UTRN: variants seen among roughly 807,000 people sequenced by gnomAD.
UTRN encodes the protein dystrophin-related protein 1.
UTRN carries 283 observed loss-of-function variants against 463.9 expected under a neutral mutation model. The ratio of observed to expected loss-of-function variants is 0.61; its 90% CI spans 0.55 to 0.67. The LOEUF is 0.67. Among genes scored for constraint, UTRN ranks in the 30% least tolerant of loss-of-function variants. The probability of loss-of-function intolerance (pLI) is 0.00; values close to 1 mark genes in which losing one functional copy is unlikely to be tolerated. For missense variants in UTRN, 3,922 were observed against 4,084.3 expected, an observed-to-expected ratio of 0.96 and a Z score of 1.08; for synonymous variants, 1,442 against 1,431.5, an observed-to-expected ratio of 1.01 and a Z score of -0.17.
At chr6:144,389,791 GT>G (rs560400611) in intron 2 of UTRN, among the ~76,000 whole-genome samples, 55 of 152,238 alleles carry the variant, frequency 3.6e-4, no homozygotes, top group African/African-American at 1.3e-3. Flanking sequence ...TAGAGACAGG[GT>G]TTTACCATGT....
intron 51 of UTRN, among the ~76,000 whole-genome samples, chr6:144,577,923 C>A (rs566693988): frequency 6.6e-6 from 1 of 152,150 alleles, no homozygotes; most frequent in Non-Finnish European, 1.5e-5. Flanking sequence ...CTGATTCATG[C>A]GGAGTGTGGT....
intron 45 of UTRN, among the ~76,000 whole-genome samples, chr6:144,541,499 T>C (rs904813794): frequency 6.6e-6 from 1 of 152,260 alleles, no homozygotes; most frequent in Non-Finnish European, 1.5e-5. Context: ...TGGTGAATTA[T>C]GAATGTCTAA....
At position 144,428,845 on chromosome 6, in the gene UTRN, A is replaced by G; in HGVS notation, c.646A>G (p.Ser216Gly). ...SPIERLEHAF[S>G]KAQTYLGIEK... Reference sequence around the variant, plus strand: ...AATTGAGAGACTTGAACATGCCTTCAGCAAGGCTCAAACTTATTTGGGAAT... The same window carrying G: ...AATTGAGAGACTTGAACATGCCTTCGGCAAGGCTCAAACTTATTTGGGAAT... The change falls in exon 8 of 75, where the codon AGC becomes GGC. Residue 216 changes from serine (S) to glycine (G), a missense_variant. By Grantham distance (56) the Ser-to-Gly change is moderately conservative (BLOSUM62 0). Coordinates refer to ENST00000367545, the MANE Select transcript of UTRN (RefSeq NM_007124.3). 1 of 1,612,318 alleles carries G rather than the reference A, an allele frequency of 6.2e-7. No individual in the cohort carries two copies. The highest frequency in any genetic ancestry group is 8.5e-7 in the Non-Finnish European group (1 of 1,179,500).
At chr6:144,540,456 TG>T (rs1797895489) in intron 45 of UTRN, among the ~76,000 whole-genome samples, 1 of 152,220 alleles carries the variant, frequency 6.6e-6, no homozygotes, top group South Asian at 2.1e-4. Flanking sequence ...TCTCTCTGAT[TG>T]GGAATCACTG....
At chr6:144,778,126 A>G (rs1775496579) in intron 60 of UTRN, among the ~76,000 whole-genome samples, 1 of 152,168 alleles carries the variant, frequency 6.6e-6, no homozygotes, top group Non-Finnish European at 1.5e-5. Flanking sequence ...TCTAAGAAAG[A>G]CCAAAGGGCA....
intron 65 of UTRN, among the ~76,000 whole-genome samples, chr6:144,810,102 G>A (rs1449135127): frequency 6.6e-6 from 1 of 152,092 alleles, no homozygotes; most frequent in Admixed American, 6.6e-5. Context: ...AGGCCTGTTT[G>A]TTCAGATTCT....
chr6:144,717,098 T>G (rs1296491264), intron 53 of UTRN, among the ~76,000 whole-genome samples: 7 of 152,222 alleles, frequency 4.6e-5, no homozygotes, highest in Non-Finnish European at 1.0e-4. Context: ...TCAAACCAAT[T>G]TTTTGCCTCC....
At chr6:144,845,634 T>C (rs1039735206) in intron 73 of UTRN, among the ~76,000 whole-genome samples, 1 of 152,210 alleles carries the variant, frequency 6.6e-6, no homozygotes, top group African/African-American at 2.4e-5. Context: ...TTTGTTATAT[T>C]TGTTACTTGC....
At chr6:144,633,227 C>CCT (rs568629456) in intron 51 of UTRN, among the ~76,000 whole-genome samples, 16 of 131,742 alleles carry the variant, frequency 1.2e-4, no homozygotes, top group Admixed American at 3.9e-4. Context: ...ACTACTTCTC[C>CCT]TTTTTTTTTT....
Position 144,701,898 on chromosome 6 carries a change from C to T in UTRN, c.7809+1655C>T, listed in dbSNP as rs147701184. On this transcript the variant is annotated intron_variant, in intron 53 of 74. Transcript: ENST00000367545. ...AAGCAGGAATATGATAGAGAAATAG[C>T]TCCAAGATAAGAAAAAGGAAAACAC... 9.2e-3 allele frequency among the ~76,000 whole-genome samples: 1,403 copies of T among 152,022 alleles called. 18 individuals are homozygous for T. The highest frequency in any genetic ancestry group is 0.032 in the African/African-American group (1,343 of 41,470).
chr6:144,639,885 G>A (rs1459662173), intron 51 of UTRN, among the ~76,000 whole-genome samples: 1 of 152,116 alleles, frequency 6.6e-6, no homozygotes, highest in Non-Finnish European at 1.5e-5. Context: ...AGATAATTCT[G>A]AAGAATGTGT....
chr6:144,429,845 C>A (rs764971210), intron 9 of UTRN, 104 bp downstream of exon 9: 381 of 1,237,658 alleles, frequency 3.1e-4, no homozygotes, highest in Non-Finnish European at 3.7e-4. Flanking sequence ...CTGAGAACAT[C>A]TTGGTTTCTC....
chr6:144,709,011 T>A (rs1417009155), intron 53 of UTRN, among the ~76,000 whole-genome samples: 1 of 152,204 alleles, frequency 6.6e-6, no homozygotes, highest in African/African-American at 2.4e-5. Context: ...CCCACTGTGA[T>A]AATGACATTA....
chr6:144,815,146 A>C (rs1370054689), intron 65 of UTRN, among the ~76,000 whole-genome samples: 1 of 152,230 alleles, frequency 6.6e-6, no homozygotes, highest in African/African-American at 2.4e-5. Context: ...CATCAAATAC[A>C]TTAAAATCTC....
chr6:144,708,961 A>C (rs930620990), intron 53 of UTRN, among the ~76,000 whole-genome samples: 5 of 152,168 alleles, frequency 3.3e-5, no homozygotes, highest in Non-Finnish European at 7.3e-5. Flanking sequence ...TGGAAGCTGA[A>C]CTTATCCTTT....
intron 63 of UTRN, among the ~76,000 whole-genome samples, chr6:144,795,879 TG>T (rs1777169918): frequency 7.2e-6 from 1 of 139,298 alleles, no homozygotes; most frequent in Non-Finnish European, 1.6e-5. Flanking sequence ...GTTTGTTTTT[TG>T]TTTGTTTGTT....
In UTRN at chr6:144,670,698, G is replaced by C. The variant is rs575462958; in HGVS notation, c.7480-7708G>C. On this transcript the variant is annotated intron_variant, in intron 51 of 74. Transcript: ENST00000367545. The stretch of plus-strand genomic sequence containing the variant: ...CATTTGCTTTTGGGTTCTTGGTCAT[G>C]AAGTCTTTGCCTAAGCCAATATCTA... Among the ~76,000 whole-genome samples the C allele has an allele frequency of 3.9e-5, 6 of 152,202 alleles. No individual in the cohort carries two copies. The South Asian group carries it at 1.2e-3, about 32-fold the overall frequency.
intron 52 of UTRN, among the ~76,000 whole-genome samples, chr6:144,682,735 T>C (rs1369903368): frequency 1.3e-5 from 2 of 151,198 alleles, no homozygotes; most frequent in Non-Finnish European, 2.9e-5. Context: ...TATTTTTATA[T>C]TTAAAAAATG....
At chr6:144,783,581 A>G (rs971959963) in intron 61 of UTRN, among the ~76,000 whole-genome samples, 15 of 152,222 alleles carry the variant, frequency 9.9e-5, no homozygotes, top group Non-Finnish European at 2.9e-5. Flanking sequence ...TATGTTGGAA[A>G]CATTCAGAAT....
Sources: allele counts gnomAD v4.1 joint callset (sites outside exome capture counted in the v4.1 genomes callset), GRCh38; gene constraint gnomAD v4.1.1; transcripts MANE v1.5; gene names NCBI Gene and HGNC (gene_info 2026-07-23, HGNC 2026-07-21).